The following ZNF423 variants were observed in gnomAD, a reference collection of about 807,000 sequenced individuals.
ZNF423 encodes Ebf-associated zinc finger protein.
Under a neutral mutation model 95.8 loss-of-function variants are expected in ZNF423, and 12 were observed. The observed-to-expected ratio is 0.13, with a 90% CI of 0.08 to 0.20. ZNF423 has a LOEUF of 0.20. ZNF423 is among the 10% of genes least tolerant of loss of function. ZNF423 has a pLI of 1.00. For missense variants in ZNF423, 1,316 were observed against 1,737.1 expected, an observed-to-expected ratio of 0.76 and a Z score of 4.31; for synonymous variants, 749 against 711.9, an observed-to-expected ratio of 1.05 and a Z score of -0.83.
chr16:49,554,760 A>G (rs1393851691), intron 5 of ZNF423, among the ~76,000 whole-genome samples: 1 of 152,048 alleles, frequency 6.6e-6, no homozygotes, highest in African/African-American at 2.4e-5. Context: ...ACAAAAACAG[A>G]TAAAGATCGC....
Position 49,637,127 on chromosome 16 carries a change from C to T in ZNF423, c.2049G>A (p.Glu683=), listed in dbSNP as rs1972757445. The T allele has an allele frequency of 3.1e-6, 5 of 1,613,426 alleles. No individual in the cohort carries two copies. Among genetic ancestry groups the T allele is most frequent in the Non-Finnish European group, 4.2e-6 (5 of 1,179,962 alleles). ...GCACTGTCAGGTGCTGCAGGAGGGA[C>T]TCCTGGGAGTCAAAGTCCTCTTTGC... ...PQCKEDFDSQ[E]SLLQHLTVHY... is the part of the protein sequence containing the mutation. The change falls in exon 4 of 8, where the codon GAG becomes GAA. Residue 683 remains glutamate, a synonymous_variant. Transcript: ENST00000563137. This position sits in a 1 kb window ranked among gnomAD's most constrained non-coding sequence, Gnocchi z 5.6.
At chr16:49,617,284 G>A (rs909884349) in intron 5 of ZNF423, among the ~76,000 whole-genome samples, 5 of 152,214 alleles carry the variant, frequency 3.3e-5, no homozygotes. Context: ...AGCCCACTGG[G>A]TGCTCAGGAC....
intron 1 of ZNF423, among the ~76,000 whole-genome samples, chr16:49,844,085 G>C (rs921447354): frequency 2.0e-5 from 3 of 150,352 alleles, no homozygotes; most frequent in African/African-American, 7.4e-5. Context: ...TTTGAGACCA[G>C]GCTAAACAAC....
chr16:49,520,257 C>T (rs903512675), intron 7 of ZNF423, among the ~76,000 whole-genome samples: 2 of 152,220 alleles, frequency 1.3e-5, no homozygotes. Flanking sequence ...AGTTCCCTCT[C>T]ATGTTCCTAA....
At chr16:49,504,327 A>G (rs1967546797) in intron 7 of ZNF423, among the ~76,000 whole-genome samples, 1 of 152,202 alleles carries the variant, frequency 6.6e-6, no homozygotes, top group African/African-American at 2.4e-5. Flanking sequence ...GCACCTTGGG[A>G]GGCCAGCACT....
chr16:49,664,305 G>A (rs944657440), intron 3 of ZNF423: 10 of 985,586 alleles, frequency 1.0e-5, no homozygotes, highest in Non-Finnish European at 1.2e-5. Context: ...CTGCTCCCGC[G>A]GCGGCGCTTG....
chr16:49,660,536 C>A (rs2030159205), intron 3 of ZNF423, among the ~76,000 whole-genome samples: 1 of 152,222 alleles, frequency 6.6e-6, no homozygotes, highest in Non-Finnish European at 1.5e-5. Flanking sequence ...CCTGACCTGA[C>A]CACCCTCCTG....
intron 3 of ZNF423, among the ~76,000 whole-genome samples, chr16:49,727,512 G>A (rs2033055541): frequency 6.7e-6 from 1 of 148,966 alleles, no homozygotes; most frequent in African/African-American, 2.5e-5. Flanking sequence ...AACTGCCATA[G>A]AAAGATACAG....
At chr16:49,755,746 T>A (rs1036314657) in intron 2 of ZNF423, among the ~76,000 whole-genome samples, 2 of 152,214 alleles carry the variant, frequency 1.3e-5, no homozygotes, top group Non-Finnish European at 2.9e-5. Flanking sequence ...TTAGCCATTC[T>A]TAGAGTGGAG....
intron 3 of ZNF423, among the ~76,000 whole-genome samples, chr16:49,687,782 C>T (rs2031620802): frequency 6.6e-6 from 1 of 152,218 alleles, no homozygotes; most frequent in Non-Finnish European, 1.5e-5. Flanking sequence ...CAGTTCCCGA[C>T]AAACTCGTGC....
chr16:49,493,965 C>T (rs1005646513), intron 7 of ZNF423, among the ~76,000 whole-genome samples: 12 of 152,184 alleles, frequency 7.9e-5, no homozygotes, highest in African/African-American at 2.2e-4. Context: ...GATATTCGAT[C>T]TCCACAAAAT....
upstream of ZNF423, among the ~76,000 whole-genome samples, chr16:49,856,963 G>A (rs2035378476): frequency 6.7e-6 from 1 of 148,354 alleles, no homozygotes; most frequent in Admixed American, 6.7e-5. Flanking sequence ...GGGCAGCGGC[G>A]GCGGCGGCTG....
chr16:49,744,860 C>T (rs2033489845), intron 2 of ZNF423, among the ~76,000 whole-genome samples: 1 of 152,248 alleles, frequency 6.6e-6, no homozygotes, highest in Non-Finnish European at 1.5e-5. Flanking sequence ...CAAACCATCA[C>T]TTAACTCGGA....
chr16:49,525,519 C>T (rs752474634), intron 5 of ZNF423, 25 bp from the exon 6 acceptor site: 1 of 1,613,402 alleles, frequency 6.2e-7, no homozygotes, highest in Non-Finnish European at 8.5e-7. Context: ...CGTGACCAGT[C>T]AGTGACCAGC....
chr16:49,550,978 G>T lies in ZNF423; in HGVS notation c.3602-25484C>A, dbSNP rs572579026. Among the ~76,000 whole-genome samples, 3 of 152,340 alleles carry T rather than the reference G, an allele frequency of 2.0e-5. No homozygotes were observed. The East Asian group carries it at 5.8e-4, about 29-fold the overall frequency. On this transcript the variant is annotated intron_variant, in intron 5 of 7. Transcript: ENST00000563137. ...TGGGTTTGCAGGAAGCTGCTGGACCGATGAAGAGACAGAGGAGGAAACAGG... is the reference window on the plus strand; with the variant it reads ...TGGGTTTGCAGGAAGCTGCTGGACCTATGAAGAGACAGAGGAGGAAACAGG...
At chr16:49,514,196 ACACACACACACACACATG>A (rs1968027132) in intron 7 of ZNF423, among the ~76,000 whole-genome samples, 1 of 126,298 alleles carries the variant, frequency 7.9e-6, no homozygotes, top group African/African-American at 3.6e-5. Context: ...ACACACACAC[ACACACACACACACACATG>A]CACACGCACA....
In ZNF423 at chr16:49,638,160, T is replaced by C; in HGVS notation, c.1016A>G (p.Gln339Arg). The C allele has an allele frequency of 1.2e-6, 2 of 1,610,168 alleles. No homozygotes were observed. Among genetic ancestry groups the C allele is most frequent in the Non-Finnish European group, 1.7e-6 (2 of 1,180,014 alleles). The stretch of plus-strand genomic sequence containing the variant: ...GTAGACACCTTCCACTGAGGAGAAC[T>C]GCTCAGGGCACATGGGGCACTTGTG... ...QKHKCPMCPE[Q>R]FSSVEGVYCH... is the part of the protein sequence containing the mutation. Residue 339 changes from glutamine (Q) to arginine (R), a missense_variant, in exon 4 of 8, where the codon CAG (glutamine) becomes CGG (arginine). Gln to Arg is a conservative substitution (Grantham distance 43). Around this residue, in one of 6 missense-constraint regions of ZNF423, gnomAD observed 399 missense variants for 478.5 expected, o/e 0.83. Coordinates refer to ENST00000563137, the MANE Select transcript of ZNF423 (RefSeq NM_001379286.1). This position sits in a 1 kb window ranked among gnomAD's most constrained non-coding sequence, Gnocchi z 5.6.
intron 3 of ZNF423, among the ~76,000 whole-genome samples, chr16:49,643,195 G>C (rs1377620606): frequency 6.6e-6 from 1 of 152,046 alleles, no homozygotes; most frequent in South Asian, 2.1e-4. Context: ...ACCTGCAACT[G>C]TGGCCAAGGC....
At chr16:49,691,471 G>A (rs1023929583) in intron 3 of ZNF423, among the ~76,000 whole-genome samples, 6 of 152,324 alleles carry the variant, frequency 3.9e-5, no homozygotes, top group East Asian at 1.9e-4. Context: ...AGTGGCTCAC[G>A]CCTGTAATCC....
Sources: allele counts gnomAD v4.1 joint callset (sites outside exome capture counted in the v4.1 genomes callset), GRCh38; gene constraint gnomAD v4.1.1; regional missense constraint gnomAD v4.1.1; non-coding constraint Gnocchi (gnomAD v3.1); transcripts MANE v1.5; gene names NCBI Gene and HGNC (gene_info 2026-07-23, HGNC 2026-07-21).